The following ATXN8OS variants were observed in gnomAD, a reference collection of about 807,000 sequenced individuals.
ATXN8OS encodes ATXN8 opposite strand (non-protein coding).
At chr13:70,159,562 T>C (rs1203680530) in intron 4 of ATXN8OS, among the ~76,000 whole-genome samples, 4 of 152,160 alleles carry the variant, frequency 2.6e-5, no homozygotes, top group Admixed American at 2.6e-4. Flanking sequence ...GTGCATACCA[T>C]ACAATTTACT....
intron 3 of ATXN8OS, chr13:70,131,400 C>T (rs1452104186): frequency 2.5e-5 from 10 of 398,332 alleles, no homozygotes; most frequent in East Asian, 3.6e-5. Context: ...GACCGTGACA[C>T]GTATCTGTCT....
chr13:70,131,006 G>A (rs1888525332), intron 3 of ATXN8OS: 1 of 398,332 alleles, frequency 2.5e-6, no homozygotes, highest in Non-Finnish European at 4.4e-6. Context: ...TGAATTGACT[G>A]AATATCTTAA....
chr13:70,129,375 CTG>C (rs34731574), intron 2 of ATXN8OS, among the ~76,000 whole-genome samples: 51,741 of 148,800 alleles, frequency 0.35, 9,158 homozygotes, highest in African/African-American at 0.44. Context: ...TTGTATTTTT[CTG>C]TGTGTGTGTG....
intron 4 of ATXN8OS, among the ~76,000 whole-genome samples, chr13:70,154,283 T>C (rs1390379231): frequency 1.3e-5 from 2 of 152,188 alleles, no homozygotes; most frequent in Non-Finnish European, 2.9e-5. Context: ...AAACCTCCTT[T>C]GTTTGCTGTT....
At chr13:70,108,208 C>T in intron 1 of ATXN8OS, 1 of 394,992 alleles carries the variant, frequency 2.5e-6, no homozygotes, top group Non-Finnish European at 4.5e-6. Context: ...GAGAAAGAGC[C>T]CCAAGTCTCG....
intron 2 of ATXN8OS, among the ~76,000 whole-genome samples, chr13:70,127,391 T>C (rs546998482): frequency 1.8e-4 from 27 of 152,160 alleles, no homozygotes; most frequent in African/African-American, 6.3e-4. Context: ...TCCTTGAGAA[T>C]TAGATATCAT....
chr13:70,128,213 T>A (rs976238366), intron 2 of ATXN8OS, among the ~76,000 whole-genome samples: 10 of 152,156 alleles, frequency 6.6e-5, no homozygotes, highest in African/African-American at 2.4e-4. Flanking sequence ...ATTACAGACA[T>A]CCACTAATGG....
At chr13:70,142,657 T>C (rs1216924642) in intron 3 of ATXN8OS, among the ~76,000 whole-genome samples, 1 of 152,190 alleles carries the variant, frequency 6.6e-6, no homozygotes, top group Non-Finnish European at 1.5e-5. Context: ...CTAGATAGCC[T>C]AGATCTTAGG....
At chr13:70,120,817 A>G (rs7992918) in intron 2 of ATXN8OS, among the ~76,000 whole-genome samples, 107,785 of 150,474 alleles carry the variant, frequency 0.72, 38,873 homozygotes, top group South Asian at 0.85. Context: ...AAACTATCAC[A>G]AGGACAAAAA....
chr13:70,130,900 A>G, intron 3 of ATXN8OS: 1 of 398,540 alleles, frequency 2.5e-6, no homozygotes. Flanking sequence ...AACCAGAGAT[A>G]GTATAGATAA....
intron 4 of ATXN8OS, among the ~76,000 whole-genome samples, chr13:70,160,736 AATTTT>A (rs1309780221): frequency 1.6e-4 from 3 of 18,710 alleles, no homozygotes; most frequent in African/African-American, 3.0e-4. Context: ...ATATTTATAT[AATTTT>A]TATATATAAT....
At chr13:70,150,795 AT>A (rs1439311514) in intron 4 of ATXN8OS, among the ~76,000 whole-genome samples, 1 of 152,124 alleles carries the variant, frequency 6.6e-6, no homozygotes, top group Non-Finnish European at 1.5e-5. Context: ...ATTGCACACT[AT>A]TCACCTGGGT....
At chr13:70,149,862 CT>C (rs1156642677) in intron 4 of ATXN8OS, among the ~76,000 whole-genome samples, 3 of 152,002 alleles carry the variant, frequency 2.0e-5, no homozygotes, top group East Asian at 1.9e-4. Flanking sequence ...CAAACAAAAA[CT>C]TTTTTTTCCT....
intron 4 of ATXN8OS, among the ~76,000 whole-genome samples, chr13:70,163,624 A>G (rs1889036688): frequency 1.3e-5 from 2 of 152,056 alleles, no homozygotes; most frequent in African/African-American, 4.8e-5. Context: ...AAATAAATCA[A>G]AGCAAATGGA....
At chr13:70,139,871 G>GT (rs1888684603) in intron 3 of ATXN8OS, among the ~76,000 whole-genome samples, 1 of 152,152 alleles carries the variant, frequency 6.6e-6, no homozygotes, top group South Asian at 2.1e-4. Context: ...TCCTAGCTCT[G>GT]TTTTTTAATC....
chr13:70,117,106 T>C (rs1165690862), intron 2 of ATXN8OS, among the ~76,000 whole-genome samples: 1 of 152,096 alleles, frequency 6.6e-6, no homozygotes, highest in East Asian at 1.9e-4. Flanking sequence ...AACATGAATA[T>C]GTTTTATACC....
intron 4 of ATXN8OS, among the ~76,000 whole-genome samples, chr13:70,169,431 G>C (rs1025172044): frequency 6.6e-6 from 1 of 151,850 alleles, no homozygotes; most frequent in Non-Finnish European, 1.5e-5. Flanking sequence ...CTAATAGCTT[G>C]GATTACAGGC....
intron 1 of ATXN8OS, chr13:70,108,046 C>T (rs1191354793): frequency 1.9e-5 from 8 of 421,864 alleles, no homozygotes; most frequent in Non-Finnish European, 3.3e-5. Flanking sequence ...GCTGGAGATG[C>T]GCGAGGGAGG....
At chr13:70,144,998 TC>T (rs1308111623) in intron 3 of ATXN8OS, among the ~76,000 whole-genome samples, 19 of 152,184 alleles carry the variant, frequency 1.2e-4, no homozygotes, top group African/African-American at 4.6e-4. Flanking sequence ...AACATGTAAG[TC>T]TTTAATCCAT....
Sources: allele counts gnomAD v4.1 joint callset (sites outside exome capture counted in the v4.1 genomes callset), GRCh38; gene constraint gnomAD v4.1.1; transcripts MANE v1.5; gene names NCBI Gene and HGNC (gene_info 2026-07-23, HGNC 2026-07-21).